Variants in AJAP1 observed in about 807,000 individuals in gnomAD.
The protein encoded by AJAP1 is adherens junction-associated protein 1.
In AJAP1, 5 loss-of-function variants were observed where a neutral mutation model predicts 35.0. That is an observed-to-expected ratio of 0.14 (90% CI 0.07 to 0.30). The LOEUF (loss-of-function observed/expected upper bound fraction) is 0.30, where lower values mean the gene tolerates loss of function less well. AJAP1 is among the 10% of genes least tolerant of loss of function. AJAP1 has a pLI of 1.00. For synonymous variants in AJAP1, 284 were observed against 249.3 expected (o/e 1.14, Z -1.31); for missense variants, 586 against 571.0 (o/e 1.03, Z -0.27).
rs377707233 is a variant in AJAP1 at position 4,712,463 on chromosome 1, C to T, written c.593C>T (p.Pro198Leu). The T allele has an allele frequency of 4.3e-6, 7 of 1,610,896 alleles. No homozygotes were observed. Among genetic ancestry groups the T allele is most frequent in the Non-Finnish European group, 5.1e-6 (6 of 1,178,916 alleles). ...GAGGCCCTGGAGTCCAACACATTTC[C>T]GGGCGTTTACGGCCCCACCACGGTC... is the stretch of plus-strand genomic sequence containing the variant. ...DEEALESNTF[P>L]GVYGPTTVSI... is the part of the protein sequence containing the mutation. The change falls in exon 2 of 6, where the codon CCG (proline) becomes CTG (leucine). Residue 198 changes from proline (P) to leucine (L), a missense_variant. By Grantham distance (98) the Pro-to-Leu change is moderately conservative. Transcript: ENST00000378191.
chr1:4,697,063 T>C (rs987343656), intron 1 of AJAP1, among the ~76,000 whole-genome samples: 1 of 152,222 alleles, frequency 6.6e-6, no homozygotes, highest in Non-Finnish European at 1.5e-5. Context: ...TGTATGTTAG[T>C]TTGTGCATGT....
chr1:4,702,066 A>G (rs1469984208), intron 1 of AJAP1, among the ~76,000 whole-genome samples: 2 of 152,074 alleles, frequency 1.3e-5, no homozygotes, highest in African/African-American at 4.8e-5. Flanking sequence ...TCAGTGTTCT[A>G]ACGTGTCCCC....
chr1:4,719,281 G>T (rs760539445), intron 2 of AJAP1, among the ~76,000 whole-genome samples: 3 of 152,068 alleles, frequency 2.0e-5, no homozygotes, highest in African/African-American at 7.2e-5. Flanking sequence ...GGGTAGGAGC[G>T]GGATGAGGAG....
chr1:4,768,117 G>A (rs1641730501), intron 2 of AJAP1, among the ~76,000 whole-genome samples: 5 of 152,222 alleles, frequency 3.3e-5, no homozygotes, highest in Admixed American at 3.3e-4. Flanking sequence ...CACAGATGGG[G>A]CACAGGTTTA....
intron 2 of AJAP1, among the ~76,000 whole-genome samples, chr1:4,726,194 C>T (rs1208120312): frequency 6.6e-6 from 1 of 152,080 alleles, no homozygotes; most frequent in South Asian, 2.1e-4. Flanking sequence ...GGCACAGGGG[C>T]AGGCCCTGAA....
chr1:4,763,756 T>TG (rs1301865359), intron 2 of AJAP1, among the ~76,000 whole-genome samples: 3 of 148,318 alleles, frequency 2.0e-5, no homozygotes, highest in African/African-American at 7.5e-5. Flanking sequence ...TTTCTCCCTC[T>TG]CCCTCTGTCT....
chr1:4,721,944 C>T (rs926934941), intron 2 of AJAP1, among the ~76,000 whole-genome samples: 2 of 152,200 alleles, frequency 1.3e-5, no homozygotes, highest in African/African-American at 4.8e-5. Context: ...CCCAGCCCAT[C>T]TTCACTGGAG....
chr1:4,698,999 C>T (rs572354897), intron 1 of AJAP1, among the ~76,000 whole-genome samples: 2 of 152,306 alleles, frequency 1.3e-5, no homozygotes, highest in African/African-American at 2.4e-5. Context: ...CAGCTGTGTA[C>T]CCCCTCCATC....
chr1:4,697,112 A>G (rs1639881064), intron 1 of AJAP1, among the ~76,000 whole-genome samples: 1 of 151,954 alleles, frequency 6.6e-6, no homozygotes, highest in African/African-American at 2.4e-5. Flanking sequence ...TGCATGTATC[A>G]CTCAGGTTGC....
At position 4,662,070 on chromosome 1, in the gene AJAP1, G is replaced by T. The variant is rs1434651944; in HGVS notation, c.29+6616G>T. ...TTTGTGTGTGTGTGTGTGTGTGTCT[G>T]TGTGTGTGTGCATTTTTTTTGAAGC... is the stretch of plus-strand genomic sequence containing the variant. On this transcript the variant is annotated intron_variant, in intron 1 of 5. Coordinates refer to ENST00000378191, the MANE Select transcript of AJAP1 (RefSeq NM_018836.4). Among the ~76,000 whole-genome samples, 5 of 141,382 alleles carry T rather than the reference G, an allele frequency of 3.5e-5. No individual in the cohort carries two copies. The Admixed American group carries it at 3.6e-4, about 10-fold the overall frequency. The allele number at this position is 141,382 out of a possible 152,430, so 92.8% of individuals were successfully genotyped here. A position where few individuals can be genotyped will look rare whatever the true frequency, so the allele number is the denominator to read the frequency against.
intron 4 of AJAP1, among the ~76,000 whole-genome samples, chr1:4,773,213 G>A (rs1489433156): frequency 6.6e-6 from 1 of 152,130 alleles, no homozygotes; most frequent in Non-Finnish European, 1.5e-5. Context: ...CTTGAAGAAA[G>A]GAGGAGGCTG....
chr1:4,766,216 C>CT (rs35816653), intron 2 of AJAP1, among the ~76,000 whole-genome samples: 45,000 of 151,946 alleles, frequency 0.3, 7,252 homozygotes, highest in Middle Eastern at 0.5. Flanking sequence ...TCTGTGGCTG[C>CT]TTTTTTTGCT....
At chr1:4,688,207 G>A (rs1280788792) in intron 1 of AJAP1, among the ~76,000 whole-genome samples, 5 of 152,130 alleles carry the variant, frequency 3.3e-5, no homozygotes, top group South Asian at 2.1e-4. Flanking sequence ...GTGACACTTC[G>A]GAGGTTGGTG....
At chr1:4,736,691 G>T (rs1423045603) in intron 2 of AJAP1, among the ~76,000 whole-genome samples, 1 of 152,176 alleles carries the variant, frequency 6.6e-6, no homozygotes, top group African/African-American at 2.4e-5. Flanking sequence ...ATTTGCACAC[G>T]TAGGGAGTTC....
intron 2 of AJAP1, among the ~76,000 whole-genome samples, chr1:4,739,037 TCTC>T (rs1640996174): frequency 6.6e-6 from 1 of 151,944 alleles, no homozygotes; most frequent in Non-Finnish European, 1.5e-5. Context: ...GGCCACTGCT[TCTC>T]CTCTCTCCCG....
At chr1:4,670,243 C>T (rs1639222983) in intron 1 of AJAP1, among the ~76,000 whole-genome samples, 1 of 152,198 alleles carries the variant, frequency 6.6e-6, no homozygotes, top group African/African-American at 2.4e-5. Context: ...TCTGTCTTTA[C>T]TCCTTACACA....
chr1:4,668,267 A>G (rs1639178836), intron 1 of AJAP1, among the ~76,000 whole-genome samples: 1 of 151,714 alleles, frequency 6.6e-6, no homozygotes, highest in Admixed American at 6.6e-5. Flanking sequence ...TGTGGGGCCA[A>G]TCCTGTGTAT....
At chr1:4,696,917 C>T (rs946030074) in intron 1 of AJAP1, among the ~76,000 whole-genome samples, 1 of 151,430 alleles carries the variant, frequency 6.6e-6, no homozygotes, top group East Asian at 1.9e-4. Context: ...TACATGCATG[C>T]ATGTTCTGTG....
chr1:4,662,042 A>G (rs1639009479), intron 1 of AJAP1, among the ~76,000 whole-genome samples: 1 of 120,668 alleles, frequency 8.3e-6, no homozygotes, highest in South Asian at 3.2e-4. Flanking sequence ...ATTGCCCTTT[A>G]TATTTGTGTG....
Sources: allele counts gnomAD v4.1 joint callset (sites outside exome capture counted in the v4.1 genomes callset), GRCh38; gene constraint gnomAD v4.1.1; transcripts MANE v1.5; gene names NCBI Gene and HGNC (gene_info 2026-07-23, HGNC 2026-07-21).